CNTNAP3: variants seen among roughly 807,000 people sequenced by gnomAD.
CNTNAP3 encodes contactin associated protein family member 3.
Under a neutral mutation model 92.1 loss-of-function variants are expected in CNTNAP3, and 36 were observed. The observed-to-expected ratio is 0.39, with a 90% confidence interval of 0.30 to 0.52. The LOEUF (loss-of-function observed/expected upper bound fraction) is 0.52. CNTNAP3 is among the 20% of genes least tolerant of loss of function. The probability of loss-of-function intolerance (pLI) is 0.76; values close to 1 mark genes in which losing one functional copy is unlikely to be tolerated. For synonymous variants in CNTNAP3, 232 were observed against 422.3 expected (o/e 0.55, Z 5.53); for missense variants, 534 against 1,069.6 (o/e 0.50, Z 6.98).
chr9:39,143,638 C>A (rs1398095585), intron 11 of CNTNAP3, among the ~76,000 whole-genome samples: 1 of 152,154 alleles, frequency 6.6e-6, no homozygotes, highest in Non-Finnish European at 1.5e-5. Context: ...GTACTCAATA[C>A]ATTAATACTT....
intron 21 of CNTNAP3, among the ~76,000 whole-genome samples, chr9:39,081,854 G>A (rs1001203649): frequency 9.3e-5 from 14 of 150,246 alleles, no homozygotes; most frequent in Non-Finnish European, 1.6e-4. Context: ...CGAGGTGGGC[G>A]GATGATGAGG....
intron 13 of CNTNAP3, among the ~76,000 whole-genome samples, chr9:39,121,924 G>A (rs1821032558): frequency 6.6e-6 from 1 of 152,116 alleles, no homozygotes; most frequent in South Asian, 2.1e-4. Context: ...CCACCTAGGG[G>A]AATGGAAATA....
At position 39,159,227 on chromosome 9, in the gene CNTNAP3, A is replaced by G. The variant is rs1047616748; in HGVS notation, c.1477+6706T>C. 5 of 150,042 alleles carry G rather than the reference A, an allele frequency of 3.3e-5. 1 individual carries two copies. Among genetic ancestry groups the G allele is most frequent in the African/African-American group, 2.4e-5 (1 of 41,058 alleles). 9.3% of individuals were successfully genotyped at this position (150,042 alleles called of 1,614,324 possible). On this transcript the variant is annotated intron_variant, in intron 9 of 23. Coordinates refer to ENST00000297668, the MANE Select transcript of CNTNAP3 (RefSeq NM_033655.5). ...TTCCCATTTCTGTCGCTGTGTCCCT[A>G]TATGGTTCATGATCATGTATGTTAC...
At chr9:39,152,770 C>G (rs1340991881) in intron 9 of CNTNAP3, among the ~76,000 whole-genome samples, 1 of 137,780 alleles carries the variant, frequency 7.3e-6, no homozygotes, top group Non-Finnish European at 1.5e-5. Context: ...ATTCTCCTGC[C>G]TCAGCCTCCC....
chr9:39,140,888 T>C (rs1821558588), intron 11 of CNTNAP3, among the ~76,000 whole-genome samples: 1 of 152,220 alleles, frequency 6.6e-6, no homozygotes, highest in African/African-American at 2.4e-5. Flanking sequence ...TGTTAGATGC[T>C]GAATAAATAT....
intron 10 of CNTNAP3, among the ~76,000 whole-genome samples, chr9:39,148,551 G>A (rs1435656856): frequency 2.1e-5 from 3 of 142,314 alleles, no homozygotes; most frequent in African/African-American, 7.8e-5. Context: ...TTTTTGAGAA[G>A]AGTCTGGCTC....
intron 14 of CNTNAP3, among the ~76,000 whole-genome samples, chr9:39,114,590 T>C (rs1389918841): frequency 4.6e-5 from 7 of 152,208 alleles, no homozygotes; most frequent in African/African-American, 7.2e-5. Flanking sequence ...TCAACTTCAC[T>C]GAGTGCTTAT....
intron 12 of CNTNAP3, among the ~76,000 whole-genome samples, chr9:39,134,846 T>C (rs1025141222): frequency 2.0e-5 from 3 of 152,214 alleles, no homozygotes; most frequent in South Asian, 4.1e-4. Context: ...AAGTTGGGCA[T>C]TGAAGATGAT....
In CNTNAP3 at chr9:39,064,799, T is replaced by C. The variant is rs1825476570; in HGVS notation, c.*9091A>G. ...ACATTTTGACATTTGTATTGTACTG[T>C]GAAAGATTTATATGTATTTGTATAA... On this transcript the variant is annotated 3_prime_UTR_variant, in exon 24 of 24. Transcript: ENST00000297668. Among the ~76,000 whole-genome samples, 1 of 152,308 alleles carries C rather than the reference T, an allele frequency of 6.6e-6. No individual in the cohort carries two copies. The highest frequency in any genetic ancestry group is 2.4e-5 in the African/African-American group (1 of 41,486).
rs1165243224 is a variant in CNTNAP3, at chr9:39,152,054, ATGT to A, written c.1478-2080_1478-2078del. On this transcript the variant is annotated intron_variant, in intron 9 of 23. Coordinates refer to ENST00000297668, the MANE Select transcript of CNTNAP3 (RefSeq NM_033655.5). ...AAAATGAAGTATAGAATTTGTACTT[ATGT>A]GTTTTTCATTGACCTCTCTTTGACC... 1.1e-4 allele frequency among the ~76,000 whole-genome samples: 15 copies of A among 140,998 alleles called. 1 individual carries two copies. Among genetic ancestry groups the A allele is most frequent in the Admixed American group, 2.1e-4 (3 of 14,542 alleles). The allele number at this position is 140,998 out of a possible 152,430, so 92.5% of individuals were successfully genotyped here. A position where few individuals can be genotyped will look rare whatever the true frequency, so the allele number is the denominator to read the frequency against.
chr9:39,111,394 C>T (rs1449111992), intron 14 of CNTNAP3, among the ~76,000 whole-genome samples: 1 of 151,944 alleles, frequency 6.6e-6, no homozygotes, highest in African/African-American at 2.4e-5. Flanking sequence ...AAGATTATTC[C>T]CTGAAAAAAT....
chr9:39,256,378 C>A lies in CNTNAP3; in HGVS notation c.196+10518G>T, dbSNP rs1469717414. 1.9e-4 allele frequency among the ~76,000 whole-genome samples: 4 copies of A among 21,344 alleles called. 2 individuals are homozygous for A. Among genetic ancestry groups the A allele is most frequent in the African/African-American group, 4.5e-4 (4 of 8,892 alleles). 14.0% of individuals were successfully genotyped at this position (21,344 alleles called of 152,430 possible). Reference sequence around the variant, plus strand: ...GAAAGTGCCAGACATATTTAGCATGCAGGCTTAGTAAAAATCTAGATTAGA... The same window carrying A: ...GAAAGTGCCAGACATATTTAGCATGAAGGCTTAGTAAAAATCTAGATTAGA... On this transcript the variant is annotated intron_variant, in intron 2 of 23. Coordinates refer to ENST00000297668, the MANE Select transcript of CNTNAP3 (RefSeq NM_033655.5).
Position 39,174,405 on chromosome 9 carries a change from T to C in CNTNAP3, c.1071+1544A>G, listed in dbSNP as rs570257826. On this transcript the variant is annotated intron_variant, in intron 7 of 23. Transcript: ENST00000297668. Reference sequence around the variant, plus strand: ...TTTTTTTTTTTTCTCCTTTACCTTCTTGGAAAGTTCATGGGCTTCACAGCT... The same window carrying C: ...TTTTTTTTTTTTCTCCTTTACCTTCCTGGAAAGTTCATGGGCTTCACAGCT... 1.1e-4 allele frequency: 71 copies of C among 637,272 alleles called. No individual in the cohort carries two copies. The African/African-American group carries it at 1.3e-3, about 12-fold the overall frequency. 39.5% of individuals were successfully genotyped at this position (637,272 alleles called of 1,614,324 possible). A position where few individuals can be genotyped will look rare whatever the true frequency, so the allele number is the denominator to read the frequency against.
At chr9:39,106,683 A>G (rs995933478) in intron 15 of CNTNAP3, 1 of 152,202 alleles carries the variant, frequency 6.6e-6, no homozygotes, top group Non-Finnish European at 1.5e-5. Context: ...TTTGGAGAGA[A>G]ATGAAGGGCT....
intron 13 of CNTNAP3, among the ~76,000 whole-genome samples, chr9:39,119,051 T>C (rs1820937489): frequency 6.6e-6 from 1 of 152,070 alleles, no homozygotes; most frequent in South Asian, 2.1e-4. Context: ...GTTAGGATAA[T>C]TTAAAAAGCA....
At chr9:39,134,009 G>A (rs571615046) in intron 12 of CNTNAP3, among the ~76,000 whole-genome samples, 28 of 152,214 alleles carry the variant, frequency 1.8e-4, no homozygotes, top group African/African-American at 6.7e-4. Flanking sequence ...TAAGAACTAC[G>A]AAACAAAACA....
chr9:39,151,863 TCTTA>T (rs201415455), intron 9 of CNTNAP3, among the ~76,000 whole-genome samples: 2,757 of 149,670 alleles, frequency 0.018, 94 homozygotes, highest in African/African-American at 0.063. Context: ...AGATATAATT[TCTTA>T]CTTTCTTTTC....
chr9:39,068,945 T>C lies in CNTNAP3; in HGVS notation c.*4945A>G, dbSNP rs1209500625. ...TCATGCAGGAGGGTTAGAGGGTAAA[T>C]ATGCTCCCTATTACTCCATCTTAGC... On this transcript the variant is annotated 3_prime_UTR_variant, in exon 24 of 24. Coordinates refer to ENST00000297668, the MANE Select transcript of CNTNAP3 (RefSeq NM_033655.5). 6.6e-6 allele frequency among the ~76,000 whole-genome samples: 1 copy of C among 152,296 alleles called. No individual in the cohort carries two copies. The highest frequency in any genetic ancestry group is 2.4e-5 in the African/African-American group (1 of 41,480).
In CNTNAP3 at chr9:39,102,968, C is replaced by T. The variant is rs555962823; in HGVS notation, c.2537-253G>A. ...AGTCCTAAATAGTAGAGATATGTACCCATAGCTGGACTACCCATAGCTATG... is the reference window on the plus strand; with the variant it reads ...AGTCCTAAATAGTAGAGATATGTACTCATAGCTGGACTACCCATAGCTATG... On this transcript the variant is annotated intron_variant, in intron 16 of 23. Coordinates refer to ENST00000297668, the MANE Select transcript of CNTNAP3 (RefSeq NM_033655.5). 2.0e-5 allele frequency among the ~76,000 whole-genome samples: 3 copies of T among 151,996 alleles called. No homozygotes were observed. The East Asian group carries it at 5.8e-4, about 29-fold the overall frequency.
Sources: allele counts gnomAD v4.1 joint callset (sites outside exome capture counted in the v4.1 genomes callset), GRCh38; gene constraint gnomAD v4.1.1; transcripts MANE v1.5; gene names NCBI Gene and HGNC (gene_info 2026-07-23, HGNC 2026-07-21).